The following ZBTB18 variants were observed in gnomAD, a reference collection of about 807,000 sequenced individuals.
The protein encoded by ZBTB18 is zinc finger and BTB domain containing 18.
In ZBTB18, 2 loss-of-function variants were observed where a neutral mutation model predicts 37.7. That is an observed-to-expected ratio of 0.05 (90% CI 0.02 to 0.17). The LOEUF is 0.17. Ranked by LOEUF, ZBTB18 falls within the 10% of genes least tolerant of loss-of-function variation. ZBTB18 has a pLI of 1.00. For missense variants in ZBTB18, 408 were observed against 686.3 expected (o/e 0.59, Z 4.53); for synonymous variants, 304 against 276.5 (o/e 1.10, Z -0.99).
chr1:244,050,644 G>A (rs984665469), upstream of ZBTB18, among the ~76,000 whole-genome samples: 1 of 152,140 alleles, frequency 6.6e-6, no homozygotes, highest in Non-Finnish European at 1.5e-5. Flanking sequence ...TTGGTACCGA[G>A]AATTGAAATT....
chr1:244,053,361 GAT>G lies in ZBTB18; in HGVS notation c.14-424_14-423del, dbSNP rs771173593. Among the ~76,000 whole-genome samples, 3 of 152,102 alleles carry G rather than the reference GAT, an allele frequency of 2.0e-5. No homozygotes were observed. Among genetic ancestry groups the G allele is most frequent in the Non-Finnish European group, 4.4e-5 (3 of 68,020 alleles). On this transcript the variant is annotated intron_variant, in intron 1 of 1. Coordinates refer to ENST00000358704, the MANE Select transcript of ZBTB18 (RefSeq NM_205768.3). The surrounding 1 kb of genome is among the most constrained non-coding windows in gnomAD (Gnocchi z 5.2). ...GAACAAGTTTTCTTGTATGTTCCAG[GAT>G]ATGTTTGGGACTTTTCTTTGTTTAT...
chr1:244,055,307 A>T lies in ZBTB18; in HGVS notation c.1533A>T (p.Ala511=), dbSNP rs1408934897. The change falls in exon 2 of 2, where the codon GCA becomes GCT. Residue 511 remains alanine, a synonymous_variant. Coordinates refer to ENST00000358704, the MANE Select transcript of ZBTB18 (RefSeq NM_205768.3). The surrounding 1 kb of genome is among the most constrained non-coding windows in gnomAD (Gnocchi z 7.0). ...ACTCCTTGTCGGTCAAAAGCGAAGCACTGAGCTTGCCTACTGTCAGAGACT... is the reference window on the plus strand; with the variant it reads ...ACTCCTTGTCGGTCAAAAGCGAAGCTCTGAGCTTGCCTACTGTCAGAGACT... The part of the protein sequence containing the change: ...LVNSLSVKSE[A]LSLPTVRDWT... 6.2e-7 allele frequency: 1 copy of T among 1,613,396 alleles called. No individual in the cohort carries two copies. The highest frequency in any genetic ancestry group is 2.2e-5 in the East Asian group (1 of 44,844).
chr1:244,055,481 G>T lies in ZBTB18; in HGVS notation c.*111G>T, dbSNP rs1698445417. 2.9e-6 allele frequency: 1 copy of T among 342,968 alleles called. No individual in the cohort carries two copies. The highest frequency in any genetic ancestry group is 5.5e-5 in the Admixed American group (1 of 18,276). The allele number at this position is 342,968 out of a possible 1,614,324, so 21.2% of individuals were successfully genotyped here. On this transcript the variant is annotated 3_prime_UTR_variant, in exon 2 of 2. Coordinates refer to ENST00000358704, the MANE Select transcript of ZBTB18 (RefSeq NM_205768.3). This position sits in a 1 kb window ranked among gnomAD's most constrained non-coding sequence, Gnocchi z 7.0. ...TTGTTTCCTGGAAATAAAAAGTTGG[G>T]ATATTAACTTGTTTTTGCACTTTAG...
In ZBTB18 at chr1:244,054,897, G is replaced by A. The variant is rs371575631; in HGVS notation, c.1123G>A (p.Ala375Thr). Residue 375 changes from alanine (A) to threonine (T), a missense_variant, in exon 2 of 2, where the codon GCG (alanine) becomes ACG (threonine). Physicochemically the swap from Ala to Thr is moderately conservative, Grantham distance 58 (BLOSUM62 0). This residue lies in a region of ZBTB18 where 266 missense variants were observed against 312.0 expected (regional missense o/e 0.85). Coordinates refer to ENST00000358704, the MANE Select transcript of ZBTB18 (RefSeq NM_205768.3). The surrounding 1 kb of genome is among the most constrained non-coding windows in gnomAD (Gnocchi z 9.0). ...CTACGTCTCCAACATCCTGAGCCCC[G>A]CGGGCCAGATCTTCATGTGCCCCCT... ...LPYVSNILSP[A>T]GQIFMCPLCN... is the part of the protein sequence containing the mutation. The A allele has an allele frequency of 6.8e-6, 11 of 1,614,116 alleles. No individual in the cohort carries two copies. Among genetic ancestry groups the A allele is most frequent in the South Asian group, 3.3e-5 (3 of 91,072 alleles).
chr1:244,057,197 ATT>A lies in ZBTB18; in HGVS notation c.*1831_*1832del, dbSNP rs1305518132. 1 of 167,052 alleles carries A rather than the reference ATT, an allele frequency of 6.0e-6. No individual in the cohort carries two copies. The highest frequency in any genetic ancestry group is 1.5e-5 in the Non-Finnish European group (1 of 68,116). The allele number at this position is 167,052 out of a possible 1,614,324, so 10.3% of individuals were successfully genotyped here. ...TTAAAATACAGTTTATGTTAAAATA[ATT>A]TTTATTAATTTAGAGAAGACAATCA... On this transcript the variant is annotated 3_prime_UTR_variant, in exon 2 of 2. Transcript: ENST00000358704.
At position 244,053,578 on chromosome 1, in the gene ZBTB18, C is replaced by T. The variant is rs938120327; in HGVS notation, c.14-210C>T. The T allele has an allele frequency of 2.1e-5, 6 of 279,314 alleles. No homozygotes were observed. In the South Asian group the frequency reaches 4.1e-4, roughly 19 times the overall value. The allele number at this position is 279,314 out of a possible 1,614,324, so 17.3% of individuals were successfully genotyped here. A position where few individuals can be genotyped will look rare whatever the true frequency, so the allele number is the denominator to read the frequency against. ...TGGAGATGCGTCGGAAGCTCTTTGG[C>T]GGGGGTGAGGAAGTTCAGAAAGTGT... On this transcript the variant is annotated intron_variant, in intron 1 of 1. Transcript: ENST00000358704. The surrounding 1 kb of genome is among the most constrained non-coding windows in gnomAD (Gnocchi z 5.2).
In ZBTB18 at chr1:244,057,269, G is replaced by C. The variant is rs1481816578; in HGVS notation, c.*1899G>C. Reference sequence around the variant, plus strand: ...CTTTCTTTTGGATTTTCTTTTTGTGGTCATTGTGAGTGATTGCTTTTTCCT... The same window carrying C: ...CTTTCTTTTGGATTTTCTTTTTGTGCTCATTGTGAGTGATTGCTTTTTCCT... On this transcript the variant is annotated 3_prime_UTR_variant, in exon 2 of 2. Transcript: ENST00000358704. The C allele has an allele frequency of 6.0e-6, 1 of 166,962 alleles. No homozygotes were observed. The highest frequency in any genetic ancestry group is 1.5e-5 in the Non-Finnish European group (1 of 68,114). 10.3% of individuals were successfully genotyped at this position (166,962 alleles called of 1,614,324 possible).
chr1:244,054,637 C>T lies in ZBTB18; in HGVS notation c.863C>T (p.Ser288Phe). 6.2e-7 allele frequency: 1 copy of T among 1,614,220 alleles called. No homozygotes were observed. The highest frequency in any genetic ancestry group is 1.1e-5 in the South Asian group (1 of 91,086). Residue 288 changes from serine to phenylalanine, a missense_variant, in exon 2 of 2, where the codon TCC becomes TTC. Transcript: ENST00000358704. The surrounding 1 kb of genome is among the most constrained non-coding windows in gnomAD (Gnocchi z 9.0). Reference protein sequence around the residue: ...LVQVKVEKEASCDESDVGTND... With the variant: ...LVQVKVEKEAFCDESDVGTND... Reference sequence around the variant, plus strand: ...CAGGTGAAGGTGGAGAAAGAGGCTTCCTGTGATGAGAGTGATGTTGGCACT... The same window carrying T: ...CAGGTGAAGGTGGAGAAAGAGGCTTTCTGTGATGAGAGTGATGTTGGCACT...
In ZBTB18 at chr1:244,056,899, TA is replaced by T. The variant is rs1262114508; in HGVS notation, c.*1530del. The T allele has an allele frequency of 1.8e-5, 3 of 166,976 alleles. No homozygotes were observed. The Admixed American group carries it at 2.0e-4, about 11-fold the overall frequency. The allele number at this position is 166,976 out of a possible 1,614,324, so 10.3% of individuals were successfully genotyped here. On this transcript the variant is annotated 3_prime_UTR_variant, in exon 2 of 2. Coordinates refer to ENST00000358704, the MANE Select transcript of ZBTB18 (RefSeq NM_205768.3). ...CACTTACAAATAAGGTCTATGGGAG[TA>T]GCATGGAAAACGTTTGCTGTTTTTC...
At chr1:244,049,157 GGTTGGAGCT>G (rs1698297780), upstream of ZBTB18, among the ~76,000 whole-genome samples, 1 of 144,794 alleles carries the variant, frequency 6.9e-6, no homozygotes, top group African/African-American at 2.5e-5. Flanking sequence ...TAGTTTGTGT[GGTTGGAGCT>G]GTTGGGGCGG....
At position 244,055,417 on chromosome 1, in the gene ZBTB18, T is replaced by G; in HGVS notation, c.*47T>G. 1.6e-6 allele frequency: 1 copy of G among 628,564 alleles called. No individual in the cohort carries two copies. Among genetic ancestry groups the G allele is most frequent in the Non-Finnish European group, 2.2e-6 (1 of 455,004 alleles). The allele number at this position is 628,564 out of a possible 1,614,324, so 38.9% of individuals were successfully genotyped here. ...ATATATATATATACATATATATAAA[T>G]AGATCTCTATATAGTTGTGGTACGG... On this transcript the variant is annotated 3_prime_UTR_variant, in exon 2 of 2. Transcript: ENST00000358704. This position sits in a 1 kb window ranked among gnomAD's most constrained non-coding sequence, Gnocchi z 7.0.
rs1345126338 is a variant in ZBTB18 at position 244,054,372 on chromosome 1, T to C, written c.598T>C (p.Ser200Pro). The C allele has an allele frequency of 1.2e-6, 2 of 1,614,132 alleles. No individual in the cohort carries two copies. The highest frequency in any genetic ancestry group is 4.5e-5 in the East Asian group (2 of 44,860). The change falls in exon 2 of 2, where the codon TCA (serine) becomes CCA (proline). Residue 200 changes from serine (S) to proline (P), a missense_variant. Physicochemically the swap from Ser to Pro is moderately conservative, Grantham distance 74 (BLOSUM62 -1). Around this residue, in one of 4 missense-constraint regions of ZBTB18, gnomAD observed 266 missense variants for 312.0 expected, o/e 0.85. Coordinates refer to ENST00000358704, the MANE Select transcript of ZBTB18 (RefSeq NM_205768.3). This position sits in a 1 kb window ranked among gnomAD's most constrained non-coding sequence, Gnocchi z 9.0. ...CATGTGGATGCGATTGCCCTCAGAC[T>C]CAGCAGGCATCCCCCAGGCTGGCGG... Reference protein sequence around the residue: ...GNMWMRLPSDSAGIPQAGGEA... With the variant: ...GNMWMRLPSDPAGIPQAGGEA...
rs981587611 is a variant in ZBTB18 at position 244,056,591 on chromosome 1, CT to C, written c.*1222del. ...GCACAAGTTGACAATAGGTCGTTCT[CT>C]CTTTTTTTTTGTTTGCTCCCTTTTT... On this transcript the variant is annotated 3_prime_UTR_variant, in exon 2 of 2. Transcript: ENST00000358704. 2.4e-4 allele frequency: 40 copies of C among 165,050 alleles called. No individual in the cohort carries two copies. Among genetic ancestry groups the C allele is most frequent in the South Asian group, 8.3e-4 (4 of 4,806 alleles). 10.2% of individuals were successfully genotyped at this position (165,050 alleles called of 1,614,324 possible).
chr1:244,054,541 G>A lies in ZBTB18; in HGVS notation c.767G>A (p.Ser256Asn). 1 of 1,614,268 alleles carries A rather than the reference G, an allele frequency of 6.2e-7. No homozygotes were observed. Among genetic ancestry groups the A allele is most frequent in the Non-Finnish European group, 8.5e-7 (1 of 1,180,048 alleles). ...GTGCTGGACCTGTCTGTCAAGTCCA[G>A]CCTTTCAGGAGTTGAAAATCTGAAC... is the stretch of plus-strand genomic sequence containing the variant. ...DCVLDLSVKSSLSGVENLNSS... is the reference protein window; with the variant it reads ...DCVLDLSVKSNLSGVENLNSS... The change falls in exon 2 of 2, where the codon AGC becomes AAC. Residue 256 changes from serine to asparagine, a missense_variant. Around this residue, in one of 4 missense-constraint regions of ZBTB18, gnomAD observed 266 missense variants for 312.0 expected, o/e 0.85. Coordinates refer to ENST00000358704, the MANE Select transcript of ZBTB18 (RefSeq NM_205768.3). The surrounding 1 kb of genome is among the most constrained non-coding windows in gnomAD (Gnocchi z 9.0).
In ZBTB18 at chr1:244,054,168, A is replaced by G. The variant is rs536295094; in HGVS notation, c.394A>G (p.Thr132Ala). 3 of 1,614,136 alleles carry G rather than the reference A, an allele frequency of 1.9e-6. No individual in the cohort carries two copies. The South Asian group carries it at 3.3e-5, about 18-fold the overall frequency. Residue 132 changes from threonine to alanine, a missense_variant, in exon 2 of 2, where the codon ACG becomes GCG. Transcript: ENST00000358704. This position sits in a 1 kb window ranked among gnomAD's most constrained non-coding sequence, Gnocchi z 9.0. ...CKKKLKEKAT[T>A]EADSTKKEED... ...AAAGAAGCTGAAAGAGAAAGCCACCACGGAGGCAGACAGCACCAAAAAGGA... is the reference window on the plus strand; with the variant it reads ...AAAGAAGCTGAAAGAGAAAGCCACCGCGGAGGCAGACAGCACCAAAAAGGA...
rs190924883 is a variant in ZBTB18, at chr1:244,053,311, A to G, written c.14-477A>G. ...CTGTGCTTTCTAAGCACAGTCAGGTAGCAAAAGTAATAAAAAGGATGGTTG... is the reference window on the plus strand; with the variant it reads ...CTGTGCTTTCTAAGCACAGTCAGGTGGCAAAAGTAATAAAAAGGATGGTTG... On this transcript the variant is annotated intron_variant, in intron 1 of 1. Coordinates refer to ENST00000358704, the MANE Select transcript of ZBTB18 (RefSeq NM_205768.3). The surrounding 1 kb of genome is among the most constrained non-coding windows in gnomAD (Gnocchi z 5.2). 2.0e-5 allele frequency among the ~76,000 whole-genome samples: 3 copies of G among 152,296 alleles called. No homozygotes were observed. The highest frequency in any genetic ancestry group is 7.2e-5 in the African/African-American group (3 of 41,566).
rs753488641 is a variant in ZBTB18 at position 244,055,278 on chromosome 1, G to A, written c.1504G>A (p.Val502Met). The change falls in exon 2 of 2, where the codon GTG (valine) becomes ATG (methionine). Residue 502 changes from valine to methionine, a missense_variant. Val to Met is a conservative substitution (Grantham distance 21). Transcript: ENST00000358704. The surrounding 1 kb of genome is among the most constrained non-coding windows in gnomAD (Gnocchi z 7.0). ...CATTCGCAAGTTCCACTGTGAGTTGGTGAACTCCTTGTCGGTCAAAAGCGA... is the reference window on the plus strand; with the variant it reads ...CATTCGCAAGTTCCACTGTGAGTTGATGAACTCCTTGTCGGTCAAAAGCGA... ...RHIRKFHCEL[V>M]NSLSVKSEAL... 6.2e-7 allele frequency: 1 copy of A among 1,613,916 alleles called. No individual in the cohort carries two copies. Among genetic ancestry groups the A allele is most frequent in the Non-Finnish European group, 8.5e-7 (1 of 1,179,974 alleles).
rs1179692140 is a variant in ZBTB18 at position 244,054,629 on chromosome 1, A to G, written c.855A>G (p.Lys285=). The part of the protein sequence containing the change: ...RSNLVQVKVE[K]EASCDESDVG... ...ACCTGGTGCAGGTGAAGGTGGAGAA[A>G]GAGGCTTCCTGTGATGAGAGTGATG... The change falls in exon 2 of 2, where the codon AAA becomes AAG. Residue 285 remains lysine (K), a synonymous_variant. Coordinates refer to ENST00000358704, the MANE Select transcript of ZBTB18 (RefSeq NM_205768.3). This position sits in a 1 kb window ranked among gnomAD's most constrained non-coding sequence, Gnocchi z 9.0. 2 of 1,614,234 alleles carry G rather than the reference A, an allele frequency of 1.2e-6. No individual in the cohort carries two copies. The highest frequency in any genetic ancestry group is 1.3e-5 in the African/African-American group (1 of 75,070).
chr1:244,048,883 G>C (rs1698289108), upstream of ZBTB18: 1 of 152,554 alleles, frequency 6.6e-6, no homozygotes, highest in Non-Finnish European at 1.5e-5. Flanking sequence ...GGGGGCAAGA[G>C]CCGGAGGAAG....
Sources: allele counts gnomAD v4.1 joint callset (sites outside exome capture counted in the v4.1 genomes callset), GRCh38; gene constraint gnomAD v4.1.1; regional missense constraint gnomAD v4.1.1; non-coding constraint Gnocchi (gnomAD v3.1); transcripts MANE v1.5; gene names NCBI Gene and HGNC (gene_info 2026-07-23, HGNC 2026-07-21).